EXT2: variants seen among roughly 807,000 people sequenced by gnomAD.
EXT2 encodes exostosin glycosyltransferase 2.
In EXT2, 53 loss-of-function variants were observed where a neutral mutation model predicts 81.6. That is an observed-to-expected ratio of 0.65 (90% confidence interval 0.52 to 0.82). The LOEUF (loss-of-function observed/expected upper bound fraction) is 0.82, where lower values mean the gene tolerates loss of function less well. Among genes scored for constraint, EXT2 ranks in the 40% least tolerant of loss-of-function variants. EXT2 has a pLI of 0.00. For synonymous variants in EXT2, 320 were observed against 340.0 expected (o/e 0.94, Z 0.65); for missense variants, 774 against 910.2 (o/e 0.85, Z 1.93).
chr11:44,138,379 G>T (rs1004782240), intron 7 of EXT2, among the ~76,000 whole-genome samples: 2 of 152,280 alleles, frequency 1.3e-5, no homozygotes, highest in South Asian at 2.1e-4. Flanking sequence ...TAGAGTTGCA[G>T]TAATCTTGAG....
chr11:44,162,088 G>GA (rs1370787890), intron 7 of EXT2, among the ~76,000 whole-genome samples: 1 of 152,032 alleles, frequency 6.6e-6, no homozygotes, highest in African/African-American at 2.4e-5. Flanking sequence ...ATCTGGAGAA[G>GA]AAAAAAAGTA....
Position 44,251,479 on chromosome 11 carries a change from A to G in EXT2, c.*7192A>G, listed in dbSNP as rs1245330346. ...GGTTCTTTTAGGCCTTAACAGCACA[A>G]TAAAAGTATCCCATGAGACCATTAT... On this transcript the variant is annotated 3_prime_UTR_variant, in exon 14 of 14. Coordinates refer to ENST00000533608, the MANE Select transcript of EXT2 (RefSeq NM_207122.2). Among the ~76,000 whole-genome samples the G allele has an allele frequency of 1.3e-5, 2 of 152,172 alleles. No individual in the cohort carries two copies. Among genetic ancestry groups the G allele is most frequent in the African/African-American group, 2.4e-5 (1 of 41,454 alleles).
chr11:44,150,346 CTA>C (rs1292453154), intron 7 of EXT2, among the ~76,000 whole-genome samples: 2 of 152,018 alleles, frequency 1.3e-5, no homozygotes, highest in East Asian at 1.9e-4. Context: ...TGGGTGGAGA[CTA>C]TTTTTAAGAA....
At chr11:44,173,837 G>A (rs1955114818) in intron 8 of EXT2, among the ~76,000 whole-genome samples, 1 of 152,100 alleles carries the variant, frequency 6.6e-6, no homozygotes, top group Admixed American at 6.5e-5. Context: ...AAAGTGCTGG[G>A]ATTACAGGTG....
intron 10 of EXT2, among the ~76,000 whole-genome samples, chr11:44,217,548 A>G (rs1195734989): frequency 1.3e-5 from 2 of 152,192 alleles, no homozygotes; most frequent in African/African-American, 2.4e-5. Flanking sequence ...AGATGTGGAA[A>G]TTCTTTTCAG....
chr11:44,148,286 A>T (rs574509385), intron 7 of EXT2, among the ~76,000 whole-genome samples: 1 of 152,230 alleles, frequency 6.6e-6, no homozygotes, highest in Admixed American at 6.5e-5. Context: ...GTCTTCCAAC[A>T]TCACTCAAGA....
chr11:44,097,556 G>A (rs1435322052), intron 1 of EXT2, among the ~76,000 whole-genome samples: 3 of 152,078 alleles, frequency 2.0e-5, no homozygotes, highest in Non-Finnish European at 2.9e-5. Flanking sequence ...TTGGGAGGCC[G>A]AGGTGGGTGG....
intron 1 of EXT2, among the ~76,000 whole-genome samples, chr11:44,100,285 G>A (rs985989969): frequency 7.2e-5 from 11 of 152,212 alleles, no homozygotes; most frequent in African/African-American, 2.7e-4. Flanking sequence ...GGTACTAGAA[G>A]TGGCTCTAGA....
chr11:44,125,212 A>G (rs1366188946), intron 5 of EXT2, among the ~76,000 whole-genome samples: 1 of 152,158 alleles, frequency 6.6e-6, no homozygotes, highest in East Asian at 1.9e-4. Flanking sequence ...TACTCCTTTC[A>G]GATATTCATT....
chr11:44,114,089 G>A, intron 3 of EXT2, 96 bp from the exon 4 acceptor site: 6 of 1,104,356 alleles, frequency 5.4e-6, no homozygotes, highest in Non-Finnish European at 8.3e-6. Context: ...AGCTGGTTTT[G>A]ATAATAAAGA....
rs1955765549 is a variant in EXT2 at position 44,220,055 on chromosome 11, G to A, written c.1663-12298G>A. ...GATGGTGGCCTGTATCCAGAGTGCA[G>A]TGTGGATCCAGTCTAGTAGTCAGCT... On this transcript the variant is annotated intron_variant, in intron 10 of 13. Transcript: ENST00000533608. The surrounding 1 kb of genome is among the most constrained non-coding windows in gnomAD (Gnocchi z 4.4). Among the ~76,000 whole-genome samples the A allele has an allele frequency of 6.6e-6, 1 of 152,172 alleles. No individual in the cohort carries two copies. Among genetic ancestry groups the A allele is most frequent in the African/African-American group, 2.4e-5 (1 of 41,442 alleles).
At chr11:44,165,027 C>T (rs1310613574) in intron 7 of EXT2, among the ~76,000 whole-genome samples, 5 of 151,702 alleles carry the variant, frequency 3.3e-5, no homozygotes, top group African/African-American at 4.8e-5. Flanking sequence ...TACAGGCGCC[C>T]GCCACCACGC....
intron 8 of EXT2, among the ~76,000 whole-genome samples, chr11:44,182,817 G>A (rs1022724476): frequency 3.9e-5 from 6 of 152,050 alleles, no homozygotes; most frequent in African/African-American, 9.7e-5. Flanking sequence ...ATCTTATTTC[G>A]ATTTCATCAG....
At chr11:44,186,770 T>TA (rs1339235298) in intron 8 of EXT2, among the ~76,000 whole-genome samples, 5 of 152,184 alleles carry the variant, frequency 3.3e-5, no homozygotes, top group African/African-American at 1.2e-4. Context: ...TGAGGTTACT[T>TA]ACCAAATCTC....
chr11:44,175,459 T>A (rs1200828357), intron 8 of EXT2, among the ~76,000 whole-genome samples: 1 of 152,014 alleles, frequency 6.6e-6, no homozygotes, highest in Non-Finnish European at 1.5e-5. Flanking sequence ...ATCCTTCCTC[T>A]GTGTGCCCCT....
chr11:44,137,379 G>A (rs1264423662), intron 7 of EXT2, among the ~76,000 whole-genome samples: 2 of 152,138 alleles, frequency 1.3e-5, no homozygotes, highest in South Asian at 2.1e-4. Context: ...ACTTTCCCTG[G>A]CAGCCTTGGT....
At chr11:44,234,993 G>A (rs142692904) in intron 12 of EXT2, among the ~76,000 whole-genome samples, 1 of 152,296 alleles carries the variant, frequency 6.6e-6, no homozygotes, top group African/African-American at 2.4e-5. Flanking sequence ...TGGAAGCATG[G>A]TACAGCATTA....
chr11:44,174,245 T>G (rs1015174407), intron 8 of EXT2, among the ~76,000 whole-genome samples: 22 of 152,204 alleles, frequency 1.4e-4, no homozygotes, highest in Non-Finnish European at 2.6e-4. Flanking sequence ...TTTTAGACAT[T>G]TATTTGTTCA....
At chr11:44,131,885 G>A (rs779286990) in intron 7 of EXT2, among the ~76,000 whole-genome samples, 18 of 152,034 alleles carry the variant, frequency 1.2e-4, no homozygotes, top group African/African-American at 3.9e-4. Context: ...CTACAGGCAC[G>A]CGCCACCATG....
Sources: allele counts gnomAD v4.1 joint callset (sites outside exome capture counted in the v4.1 genomes callset), GRCh38; gene constraint gnomAD v4.1.1; non-coding constraint Gnocchi (gnomAD v3.1); transcripts MANE v1.5; gene names NCBI Gene and HGNC (gene_info 2026-07-23, HGNC 2026-07-21).